AGFG2: variants seen among roughly 807,000 people sequenced by gnomAD.
AGFG2 encodes the protein ArfGAP with FG repeats 2, also known as arf-GAP domain and FG repeat-containing protein 2.
AGFG2 carries 31 observed loss-of-function variants against 48.0 expected under a neutral mutation model. That is an observed-to-expected ratio of 0.65 (90% CI 0.49 to 0.87). AGFG2 has a LOEUF of 0.87. Ranked by LOEUF, AGFG2 falls within the 40% of genes least tolerant of loss-of-function variation. The pLI is 0.00. For synonymous variants in AGFG2, 229 were observed against 260.8 expected (o/e 0.88, Z 1.18); for missense variants, 599 against 632.6 (o/e 0.95, Z 0.57).
chr7:100,539,944 A>T (rs765959464), intron 1 of AGFG2, among the ~76,000 whole-genome samples: 1 of 151,996 alleles, frequency 6.6e-6, no homozygotes, highest in Non-Finnish European at 1.5e-5. Flanking sequence ...AGAAAATGAC[A>T]TGCACCTTTA....
chr7:100,561,480 T>C (rs1168602719), intron 6 of AGFG2, among the ~76,000 whole-genome samples: 1 of 152,176 alleles, frequency 6.6e-6, no homozygotes, highest in Non-Finnish European at 1.5e-5. Context: ...CAGCCCAGTG[T>C]GGTCGATAGG....
At chr7:100,539,637 C>A (rs1800384383) in intron 1 of AGFG2, 70 bp downstream of exon 1, 2 of 1,162,696 alleles carry the variant, frequency 1.7e-6, no homozygotes, top group South Asian at 8.2e-5. Context: ...GAGGCCGGGG[C>A]TCCGGGGCGC....
At chr7:100,541,768 A>C (rs75839585) in intron 1 of AGFG2, among the ~76,000 whole-genome samples, 12 of 127,476 alleles carry the variant, frequency 9.4e-5, no homozygotes, top group South Asian at 7.0e-4. Flanking sequence ...CTGTCTCACA[A>C]AAAAAAAAAA....
At chr7:100,545,438 A>C (rs1195153810) in intron 1 of AGFG2, among the ~76,000 whole-genome samples, 1 of 152,164 alleles carries the variant, frequency 6.6e-6, no homozygotes, top group Non-Finnish European at 1.5e-5. Context: ...AGTTGTTAGC[A>C]GCTACACATA....
Position 100,562,767 on chromosome 7 carries a change from G to A in AGFG2, c.1087+85G>A. 1 of 1,593,656 alleles carries A rather than the reference G, an allele frequency of 6.3e-7. No individual in the cohort carries two copies. Among genetic ancestry groups the A allele is most frequent in the Non-Finnish European group, 8.6e-7 (1 of 1,166,392 alleles). ...CTCTGGACAGGGTGGGAAGGGGAGA[G>A]ATTGAGAGGAATGCTCAGGCATCAC... On this transcript the variant is annotated intron_variant, in intron 8 of 11. Transcript: ENST00000300176. The surrounding 1 kb of genome is among the most constrained non-coding windows in gnomAD (Gnocchi z 5.4).
intron 1 of AGFG2, among the ~76,000 whole-genome samples, chr7:100,544,238 T>G (rs11977607): frequency 0.082 from 12,482 of 152,220 alleles, 570 homozygotes; most frequent in African/African-American, 0.12. Flanking sequence ...CCATCTTCAA[T>G]CCATCGTTCT....
Position 100,554,078 on chromosome 7 carries a change from T to C in AGFG2, c.586-15T>C, listed in dbSNP as rs758134300. 6.2e-7 allele frequency: 1 copy of C among 1,609,138 alleles called. No homozygotes were observed. Among genetic ancestry groups the C allele is most frequent in the Admixed American group, 1.7e-5 (1 of 59,438 alleles). On this transcript the variant is annotated splice_polypyrimidine_tract_variant and intron_variant, in intron 4 of 11. Coordinates refer to ENST00000300176, the MANE Select transcript of AGFG2 (RefSeq NM_006076.5). ...CTGGGATTCTAAGGGCTGTATGCAT[T>C]CCTTCTCCTCCAAGCCCGTCAGTCA...
chr7:100,564,920 C>G lies in AGFG2; in HGVS notation c.1387-12C>G, dbSNP rs764411355. ...TCCCCTAACTGGAAAATGTATTGTT[C>G]TTTCTTTCCAGACTGGACCCTCATC... is the stretch of plus-strand genomic sequence containing the variant. On this transcript the variant is annotated splice_polypyrimidine_tract_variant and intron_variant, in intron 11 of 11. Transcript: ENST00000300176. 1.2e-6 allele frequency: 2 copies of G among 1,613,852 alleles called. No individual in the cohort carries two copies. Among genetic ancestry groups the G allele is most frequent in the Admixed American group, 1.7e-5 (1 of 60,018 alleles).
chr7:100,547,201 G>A (rs554892320), intron 1 of AGFG2, among the ~76,000 whole-genome samples: 69 of 116,522 alleles, frequency 5.9e-4, no homozygotes, highest in African/African-American at 2.2e-3. Flanking sequence ...CTTACACCTC[G>A]CTGCTGTTCT....
chr7:100,559,926 C>G (rs1217579366), intron 6 of AGFG2, among the ~76,000 whole-genome samples: 1 of 152,198 alleles, frequency 6.6e-6, no homozygotes, highest in Non-Finnish European at 1.5e-5. Flanking sequence ...AAGGGCCAAC[C>G]CTGCCTGGGC....
intron 1 of AGFG2, among the ~76,000 whole-genome samples, chr7:100,548,612 C>T (rs1584382311): frequency 6.6e-6 from 1 of 152,266 alleles, no homozygotes; most frequent in East Asian, 1.9e-4. Flanking sequence ...TGTGCCTGGC[C>T]TCTCTTTGGA....
At chr7:100,564,442 T>C (rs183272886) in intron 11 of AGFG2, 139 bp downstream of exon 11, 4 of 874,764 alleles carry the variant, frequency 4.6e-6, no homozygotes, top group Middle Eastern at 2.9e-4. Context: ...AGGGCTGAGC[T>C]TGGGCCTCAG....
At chr7:100,554,291 A>C (rs1562793359) in intron 5 of AGFG2, 33 bp downstream of exon 5, 1 of 1,592,062 alleles carries the variant, frequency 6.3e-7, no homozygotes, top group Non-Finnish European at 8.6e-7. Flanking sequence ...CCCTCCCTAC[A>C]GCGTATATGC....
intron 1 of AGFG2, among the ~76,000 whole-genome samples, chr7:100,546,888 C>T (rs1412594287): frequency 6.6e-6 from 1 of 152,164 alleles, no homozygotes; most frequent in Admixed American, 6.5e-5. Context: ...AGCTTAAGAG[C>T]TATTGTTTGA....
Position 100,548,318 on chromosome 7 carries a change from G to C in AGFG2, c.222-504G>C, listed in dbSNP as rs561093243. ...GATTCTTTTTTTTGGGGGTTGGAGG[G>C]GGGTGGTGGGAGTGGGGACAGAGTC... is the stretch of plus-strand genomic sequence containing the variant. On this transcript the variant is annotated intron_variant, in intron 1 of 11. Transcript: ENST00000300176. Among the ~76,000 whole-genome samples the C allele has an allele frequency of 3.4e-3, 513 of 152,018 alleles. 2 individuals are homozygous for C. The highest frequency in any genetic ancestry group is 0.012 in the African/African-American group (503 of 41,448).
chr7:100,544,946 G>A (rs1181457824), intron 1 of AGFG2, among the ~76,000 whole-genome samples: 1 of 152,148 alleles, frequency 6.6e-6, no homozygotes, highest in East Asian at 1.9e-4. Context: ...CCTAAAATTA[G>A]TGAAATTGAC....
intron 3 of AGFG2, among the ~76,000 whole-genome samples, chr7:100,552,334 A>G (rs1800663970): frequency 6.6e-6 from 1 of 152,218 alleles, no homozygotes; most frequent in South Asian, 2.1e-4. Context: ...TAAGTAACCT[A>G]GAGATGATTT....
chr7:100,539,353 A>G lies in AGFG2; in HGVS notation c.7A>G (p.Met3Val). MV[M>V]AAKKGPGPGG... ...GGGGAGGGAGTGGGCAGCGATGGTG[A>G]TGGCGGCGAAGAAGGGCCCGGGCCC... Residue 3 changes from methionine to valine, a missense_variant, in exon 1 of 12, where the codon ATG becomes GTG. By Grantham distance (21) the Met-to-Val change is conservative. Coordinates refer to ENST00000300176, the MANE Select transcript of AGFG2 (RefSeq NM_006076.5). 1 of 1,267,036 alleles carries G rather than the reference A, an allele frequency of 7.9e-7. No individual in the cohort carries two copies. The highest frequency in any genetic ancestry group is 1.0e-6 in the Non-Finnish European group (1 of 1,002,874). 78.5% of individuals were successfully genotyped at this position (1,267,036 alleles called of 1,614,324 possible).
intron 9 of AGFG2, among the ~76,000 whole-genome samples, chr7:100,563,394 C>T (rs1800923745): frequency 6.6e-6 from 1 of 152,200 alleles, no homozygotes; most frequent in Admixed American, 6.5e-5. Context: ...CTGGCTGAAG[C>T]CTTGAGGCTG....
Sources: allele counts gnomAD v4.1 joint callset (sites outside exome capture counted in the v4.1 genomes callset), GRCh38; gene constraint gnomAD v4.1.1; non-coding constraint Gnocchi (gnomAD v3.1); transcripts MANE v1.5; gene names NCBI Gene and HGNC (gene_info 2026-07-23, HGNC 2026-07-21).